The following AGBL1 variants were observed in gnomAD, a reference collection of about 807,000 sequenced individuals.
AGBL1 encodes AGBL carboxypeptidase 1.
In AGBL1, 130 loss-of-function variants were observed where a neutral mutation model predicts 118.9. That is an observed-to-expected ratio of 1.09 (90% CI 0.95 to 1.26). The LOEUF (loss-of-function observed/expected upper bound fraction) is 1.26. Among genes scored for constraint, AGBL1 ranks in the 50% most tolerant of loss-of-function variants. The pLI, the probability that AGBL1 is intolerant of heterozygous loss-of-function variation, is 0.00. For missense variants in AGBL1, 1,584 were observed against 1,298.1 expected (o/e 1.22, Z -3.38); for synonymous variants, 555 against 478.9 (o/e 1.16, Z -2.08).
intron 24 of AGBL1, among the ~76,000 whole-genome samples, chr15:87,003,302 C>G (rs1388790896): frequency 2.6e-5 from 4 of 151,930 alleles, no homozygotes; most frequent in African/African-American, 9.7e-5. Context: ...GTATGTTGAA[C>G]CAGTCTTGCA....
chr15:86,944,377 A>AAATAATAATAAT, intron 23 of AGBL1, among the ~76,000 whole-genome samples: 1 of 151,524 alleles, frequency 6.6e-6, no homozygotes, highest in South Asian at 2.1e-4. Context: ...AACTCCGTCT[A>AAATAATAATAAT]AATAATAATA....
chr15:86,850,122 T>A (rs901383375), intron 22 of AGBL1, among the ~76,000 whole-genome samples: 4 of 152,196 alleles, frequency 2.6e-5, no homozygotes, highest in African/African-American at 9.7e-5. Flanking sequence ...ATAAGAGAAC[T>A]CTGTTCAGCT....
chr15:86,561,637 G>C (rs1047329507), intron 21 of AGBL1, among the ~76,000 whole-genome samples: 1 of 152,172 alleles, frequency 6.6e-6, no homozygotes, highest in African/African-American at 2.4e-5. Context: ...GGCAATGCGG[G>C]CTCTTTTTTG....
chr15:86,557,284 A>G (rs2083748470), intron 21 of AGBL1, among the ~76,000 whole-genome samples: 1 of 152,204 alleles, frequency 6.6e-6, no homozygotes, highest in African/African-American at 2.4e-5. Flanking sequence ...TTTTAGAGGC[A>G]TCCCGTCCAT....
At chr15:86,110,847 G>T (rs1381944616) in intron 1 of AGBL1, among the ~76,000 whole-genome samples, 1 of 152,158 alleles carries the variant, frequency 6.6e-6, no homozygotes, top group Non-Finnish European at 1.5e-5. Flanking sequence ...GGAAATAGTT[G>T]TTCCTGCATT....
At chr15:86,284,099 A>G (rs1320022942) in intron 16 of AGBL1, among the ~76,000 whole-genome samples, 1 of 151,906 alleles carries the variant, frequency 6.6e-6, no homozygotes, top group Non-Finnish European at 1.5e-5. Context: ...TAACCATTAA[A>G]GCATTTATTG....
intron 22 of AGBL1, among the ~76,000 whole-genome samples, chr15:86,788,681 A>G (rs771305772): frequency 6.6e-6 from 1 of 152,234 alleles, no homozygotes; most frequent in Non-Finnish European, 1.5e-5. Context: ...TATAAGTAAC[A>G]TAATTCAGAC....
At chr15:86,731,057 C>T (rs1054676423) in intron 22 of AGBL1, among the ~76,000 whole-genome samples, 3 of 152,198 alleles carry the variant, frequency 2.0e-5, no homozygotes, top group Admixed American at 2.0e-4. Context: ...TCTCAAACTC[C>T]TGACCTCAGG....
intron 18 of AGBL1, among the ~76,000 whole-genome samples, chr15:86,504,526 A>T (rs897257079): frequency 6.6e-6 from 1 of 151,596 alleles, no homozygotes; most frequent in Non-Finnish European, 1.5e-5. Flanking sequence ...GTTAATAAAT[A>T]TTCAAGGCAC....
chr15:86,597,776 G>T (rs755115247), intron 21 of AGBL1, among the ~76,000 whole-genome samples: 15 of 151,980 alleles, frequency 9.9e-5, no homozygotes, highest in Non-Finnish European at 2.1e-4. Context: ...CTTTATAAGT[G>T]AAAAAAAGGG....
At chr15:86,355,975 C>T (rs1433250593) in intron 17 of AGBL1, among the ~76,000 whole-genome samples, 1 of 152,216 alleles carries the variant, frequency 6.6e-6, no homozygotes, top group African/African-American at 2.4e-5. Flanking sequence ...TGCCTGTCTT[C>T]TTTTCAGCAC....
chr15:86,865,268 A>G (rs1279885365), intron 22 of AGBL1, among the ~76,000 whole-genome samples: 1 of 152,248 alleles, frequency 6.6e-6, no homozygotes, highest in Non-Finnish European at 1.5e-5. Flanking sequence ...CTCATTTTAT[A>G]GAAGAGGAAT....
At chr15:87,016,813 C>G (rs560108232) in intron 24 of AGBL1, among the ~76,000 whole-genome samples, 28 of 152,208 alleles carry the variant, frequency 1.8e-4, no homozygotes, top group African/African-American at 6.5e-4. Flanking sequence ...ATGCTTCTCC[C>G]ACAGATCTTT....
chr15:86,442,450 G>A (rs960131055), intron 18 of AGBL1, among the ~76,000 whole-genome samples: 4 of 152,148 alleles, frequency 2.6e-5, no homozygotes, highest in Admixed American at 1.3e-4. Flanking sequence ...ACCTCACAAA[G>A]GTTTTCAAAA....
intron 13 of AGBL1, 68 bp from the exon 14 acceptor site, chr15:86,269,850 AT>A: frequency 7.1e-6 from 11 of 1,544,730 alleles, no homozygotes; most frequent in South Asian, 2.4e-5. Context: ...AAACGTGTAG[AT>A]TCTTAGTGTC....
intron 17 of AGBL1, among the ~76,000 whole-genome samples, chr15:86,327,065 T>C (rs537947612): frequency 3.8e-4 from 58 of 152,066 alleles, no homozygotes; most frequent in African/African-American, 1.4e-3. Context: ...TGACCAGTGA[T>C]AGAGCAAAGA....
chr15:86,735,884 T>A (rs2077588994), intron 22 of AGBL1, among the ~76,000 whole-genome samples: 1 of 152,104 alleles, frequency 6.6e-6, no homozygotes, highest in Non-Finnish European at 1.5e-5. Flanking sequence ...AGAATTTCAA[T>A]AAAGTAGAAA....
intron 22 of AGBL1, among the ~76,000 whole-genome samples, chr15:86,791,945 A>G (rs1823739): frequency 0.046 from 7,024 of 152,102 alleles, 348 homozygotes; most frequent in East Asian, 0.12. Context: ...CATGTTGGCC[A>G]GGCTGGTCTT....
At chr15:86,098,287 C>T (rs146131933) in intron 1 of AGBL1, among the ~76,000 whole-genome samples, 12 of 152,074 alleles carry the variant, frequency 7.9e-5, no homozygotes, top group Non-Finnish European at 1.2e-4. Context: ...TGATTGTTTC[C>T]TCTTCTGCAC....
Sources: allele counts gnomAD v4.1 joint callset (sites outside exome capture counted in the v4.1 genomes callset), GRCh38; gene constraint gnomAD v4.1.1; transcripts MANE v1.5; gene names NCBI Gene and HGNC (gene_info 2026-07-23, HGNC 2026-07-21).